The following RSPO2 variants were observed in gnomAD, a reference collection of about 807,000 sequenced individuals.
RSPO2 encodes the protein R-spondin 2.
A neutral mutation model predicts 30.9 loss-of-function variants in RSPO2; 14 were observed. The observed-to-expected ratio is 0.45, with a 90% CI of 0.30 to 0.71. The LOEUF (loss-of-function observed/expected upper bound fraction) is 0.71. Among genes scored for constraint, RSPO2 ranks in the 30% least tolerant of loss-of-function variants. RSPO2 has a pLI of 0.08. For synonymous variants in RSPO2, 107 were observed against 96.4 expected (o/e 1.11, Z -0.64); for missense variants, 264 against 301.9 (o/e 0.87, Z 0.93).
chr8:107,994,037 T>C (rs1814934731), intron 2 of RSPO2, among the ~76,000 whole-genome samples: 1 of 152,046 alleles, frequency 6.6e-6, no homozygotes, highest in Non-Finnish European at 1.5e-5. Context: ...AGGATATGAG[T>C]TGGGGTCATG....
rs114900307 is a variant in RSPO2, at chr8:108,082,832, G to A, written c.-169-25C>T. 700 of 557,982 alleles carry A rather than the reference G, an allele frequency of 1.3e-3. 4 individuals are homozygous for A. Among genetic ancestry groups the A allele is most frequent in the African/African-American group, 0.012 (615 of 52,336 alleles). The allele number at this position is 557,982 out of a possible 1,614,324, so 34.6% of individuals were successfully genotyped here. ...CCTGAGAGACAAGAAGCGAAAACAG[G>A]GTGTGTGGGGGATGGAGAGAGCCCC... On this transcript the variant is annotated intron_variant, in intron 1 of 5. Transcript: ENST00000276659.
intron 2 of RSPO2, among the ~76,000 whole-genome samples, chr8:108,023,387 T>G (rs1248952706): frequency 6.6e-6 from 1 of 152,050 alleles, no homozygotes; most frequent in Admixed American, 6.6e-5. Flanking sequence ...TTAAAGTCAA[T>G]CCACCCAGGA....
intron 3 of RSPO2, 146 bp from the exon 4 acceptor site, chr8:107,960,963 C>T (rs1017507092): frequency 3.9e-5 from 25 of 634,556 alleles, no homozygotes; most frequent in Non-Finnish European, 6.2e-5. Context: ...TGTTTCCTAG[C>T]GCCATCTCAT....
At chr8:108,056,587 C>T (rs1812251492) in intron 2 of RSPO2, among the ~76,000 whole-genome samples, 1 of 133,076 alleles carries the variant, frequency 7.5e-6, no homozygotes, top group African/African-American at 3.0e-5. Context: ...GGCACCACTG[C>T]ACTCCAGCCT....
At chr8:108,017,247 G>A (rs28846813) in intron 2 of RSPO2, among the ~76,000 whole-genome samples, 102 of 152,200 alleles carry the variant, frequency 6.7e-4, no homozygotes, top group African/African-American at 2.4e-3. Context: ...TCGATCTCAT[G>A]ACCTCGTGAT....
chr8:107,948,801 A>C (rs1276239270), intron 5 of RSPO2, among the ~76,000 whole-genome samples: 1 of 151,956 alleles, frequency 6.6e-6, no homozygotes, highest in Admixed American at 6.6e-5. Context: ...CAGAGCTTGC[A>C]GTGAGCCAAT....
At chr8:107,940,877 T>C (rs570565730) in intron 5 of RSPO2, among the ~76,000 whole-genome samples, 2 of 152,190 alleles carry the variant, frequency 1.3e-5, no homozygotes, top group Non-Finnish European at 2.9e-5. Flanking sequence ...ATACAGTTTT[T>C]TTCTTTTGTT....
At chr8:108,026,878 C>T (rs1243221886) in intron 2 of RSPO2, among the ~76,000 whole-genome samples, 1 of 151,900 alleles carries the variant, frequency 6.6e-6, no homozygotes, top group Non-Finnish European at 1.5e-5. Flanking sequence ...AAAAAAAATA[C>T]TAACAATTAA....
intron 5 of RSPO2, among the ~76,000 whole-genome samples, chr8:107,902,503 A>G (rs1586524082): frequency 6.6e-6 from 1 of 152,068 alleles, no homozygotes; most frequent in Non-Finnish European, 1.5e-5. Context: ...GCCTATGGAG[A>G]AGGAGGCTGA....
At chr8:107,928,950 A>C (rs557068029) in intron 5 of RSPO2, among the ~76,000 whole-genome samples, 1 of 152,314 alleles carries the variant, frequency 6.6e-6, no homozygotes, top group South Asian at 2.1e-4. Flanking sequence ...CAGAAGATCA[A>C]GAATAGATTT....
At chr8:107,931,360 T>TG (rs1812548910) in intron 5 of RSPO2, among the ~76,000 whole-genome samples, 1 of 152,124 alleles carries the variant, frequency 6.6e-6, no homozygotes, top group African/African-American at 2.4e-5. Context: ...GTAAAGCCCT[T>TG]GGTAATTTGA....
chr8:108,033,280 T>C (rs1429130131), intron 2 of RSPO2, among the ~76,000 whole-genome samples: 1 of 152,148 alleles, frequency 6.6e-6, no homozygotes, highest in Non-Finnish European at 1.5e-5. Flanking sequence ...CAGTATGTCA[T>C]CAATGTGAGC....
rs1811377305 is a variant in RSPO2 at position 107,899,631 on chromosome 8, A to G, written c.*1444T>C. The G allele has an allele frequency of 6.6e-6, 1 of 152,600 alleles. No homozygotes were observed. Among genetic ancestry groups the G allele is most frequent in the Non-Finnish European group, 1.5e-5 (1 of 68,028 alleles). The allele number at this position is 152,600 out of a possible 1,614,324, so 9.5% of individuals were successfully genotyped here. The stretch of plus-strand genomic sequence containing the variant: ...GGTAGTTTTGCCAATGCAAGGTGAA[A>G]AAAAAAAGGCTTTACCTTGCTTTGT... On this transcript the variant is annotated 3_prime_UTR_variant, in exon 6 of 6. Transcript: ENST00000276659.
intron 2 of RSPO2, among the ~76,000 whole-genome samples, chr8:108,012,547 T>C (rs2130589784): frequency 6.6e-6 from 1 of 152,350 alleles, no homozygotes; most frequent in East Asian, 1.9e-4. Flanking sequence ...AATGGGAATT[T>C]CAAATATCTT....
At chr8:107,939,892 A>G (rs1181431199) in intron 5 of RSPO2, among the ~76,000 whole-genome samples, 1 of 152,098 alleles carries the variant, frequency 6.6e-6, no homozygotes, top group African/African-American at 2.4e-5. Context: ...GCTCCTAAAA[A>G]TTTATAGTTG....
intron 2 of RSPO2, among the ~76,000 whole-genome samples, chr8:108,005,859 T>C (rs1409567566): frequency 6.6e-6 from 1 of 152,146 alleles, no homozygotes; most frequent in Non-Finnish European, 1.5e-5. Flanking sequence ...CATACAGATG[T>C]ATGCACAGGA....
intron 5 of RSPO2, among the ~76,000 whole-genome samples, chr8:107,921,277 T>TACACACACACACAC (rs71308759): frequency 2.7e-5 from 4 of 148,740 alleles, no homozygotes; most frequent in African/African-American, 9.9e-5. Context: ...TAGCAGATTT[T>TACACACACACACAC]ACACACACAC....
intron 3 of RSPO2, among the ~76,000 whole-genome samples, chr8:107,967,689 T>C (rs1236040920): frequency 6.6e-6 from 1 of 152,170 alleles, no homozygotes; most frequent in Non-Finnish European, 1.5e-5. Flanking sequence ...AAATCAAGAT[T>C]GCCTTAATTA....
At chr8:108,038,704 C>G (rs1485619953) in intron 2 of RSPO2, among the ~76,000 whole-genome samples, 1 of 152,204 alleles carries the variant, frequency 6.6e-6, no homozygotes, top group East Asian at 1.9e-4. Context: ...AAGCAAGACC[C>G]TCTACCAGCA....
Sources: allele counts gnomAD v4.1 joint callset (sites outside exome capture counted in the v4.1 genomes callset), GRCh38; gene constraint gnomAD v4.1.1; transcripts MANE v1.5; gene names NCBI Gene and HGNC (gene_info 2026-07-23, HGNC 2026-07-21).